Variants in PLEKHM2 observed in about 807,000 individuals in gnomAD.
The protein encoded by PLEKHM2 is pleckstrin homology domain-containing family M member 2.
A neutral mutation model predicts 116.3 loss-of-function variants in PLEKHM2; 77 were observed. The ratio of observed to expected loss-of-function variants is 0.66; its 90% CI spans 0.55 to 0.80. PLEKHM2 has a LOEUF of 0.80. Ranked by LOEUF, PLEKHM2 falls within the 30% of genes least tolerant of loss-of-function variation. PLEKHM2 has a pLI of 0.00. For synonymous variants in PLEKHM2, 562 were observed against 571.0 expected (o/e 0.98, Z 0.22); for missense variants, 1,183 against 1,354.9 (o/e 0.87, Z 1.99).
At position 15,721,098 on chromosome 1, in the gene PLEKHM2, A is replaced by AC. The variant is rs1266127897; in HGVS notation, c.653-228dup. 2.0e-6 allele frequency: 1 copy of AC among 495,218 alleles called. No individual in the cohort carries two copies. Among genetic ancestry groups the AC allele is most frequent in the Non-Finnish European group, 3.6e-6 (1 of 281,634 alleles). 30.7% of individuals were successfully genotyped at this position (495,218 alleles called of 1,614,324 possible). A position where few individuals can be genotyped will look rare whatever the true frequency, so the allele number is the denominator to read the frequency against. The stretch of plus-strand genomic sequence containing the variant: ...CAGCTTCTGGATGTGGAAAGGGGTC[A>AC]CCCTGACAGGTCTTTCCAGCTGGTT... On this transcript the variant is annotated intron_variant, in intron 6 of 19. Transcript: ENST00000375799. The surrounding 1 kb of genome is among the most constrained non-coding windows in gnomAD (Gnocchi z 5.1).
intron 1 of PLEKHM2, among the ~76,000 whole-genome samples, chr1:15,697,735 C>G (rs2148336963): frequency 6.6e-6 from 1 of 152,254 alleles, no homozygotes; most frequent in Admixed American, 6.5e-5. Flanking sequence ...GCAATCACAG[C>G]TACTGCAGCC....
At position 15,727,398 on chromosome 1, in the gene PLEKHM2, C is replaced by T. The variant is rs1405403941; in HGVS notation, c.1326C>T (p.Pro442=). ...ACCAGTCCTTTCGGACCGGCTCTCC[C>T]GGGGATGCCCCGGAGAGGCCGCCGC... ...PPDQSFRTGS[P]GDAPERPPLC... The change falls in exon 9 of 20, where the codon CCC becomes CCT. Residue 442 remains proline (P), a synonymous_variant. Coordinates refer to ENST00000375799, the MANE Select transcript of PLEKHM2 (RefSeq NM_015164.4). This position sits in a 1 kb window ranked among gnomAD's most constrained non-coding sequence, Gnocchi z 7.5. 6.2e-6 allele frequency: 10 copies of T among 1,603,878 alleles called. No individual in the cohort carries two copies. The highest frequency in any genetic ancestry group is 5.1e-5 in the Admixed American group (3 of 58,822).
upstream of PLEKHM2, chr1:15,684,299 TGCCGCC>T (rs534581956): frequency 1.3e-5 from 2 of 156,636 alleles, no homozygotes; most frequent in South Asian, 1.9e-4. Context: ...CATCAGTTCC[TGCCGCC>T]GCCGCCGCCG....
chr1:15,716,352 G>A lies in PLEKHM2; in HGVS notation c.167+9G>A. The A allele has an allele frequency of 6.4e-7, 1 of 1,553,832 alleles. No homozygotes were observed. The highest frequency in any genetic ancestry group is 8.8e-7 in the Non-Finnish European group (1 of 1,138,164). ...CACGCCCTGCTGTACGGGTAAGGTG[G>A]AGGAAGTTTCCAAAGATGACGGAGC... is the stretch of plus-strand genomic sequence containing the variant. On this transcript the variant is annotated intron_variant, in intron 2 of 19. Transcript: ENST00000375799.
At position 15,731,911 on chromosome 1, in the gene PLEKHM2, C is replaced by T. The variant is rs756450777; in HGVS notation, c.2488C>T (p.Arg830Trp). The change falls in exon 17 of 20, where the codon CGG becomes TGG. Residue 830 changes from arginine (R) to tryptophan (W), a missense_variant. Transcript: ENST00000375799. ...NMGGEQCGGC[R>W]RANTTDRPHA... ...CAGGGGGGAGCAGTGCGGTGGCTGC[C>T]GGAGAGCCAACACCACGGATCGGCC... is the stretch of plus-strand genomic sequence containing the variant. 11 of 1,611,016 alleles carry T rather than the reference C, an allele frequency of 6.8e-6. No individual in the cohort carries two copies. The highest frequency in any genetic ancestry group is 6.7e-5 in the East Asian group (3 of 44,852).
At chr1:15,715,093 T>A (rs1641417823) in intron 1 of PLEKHM2, among the ~76,000 whole-genome samples, 1 of 152,060 alleles carries the variant, frequency 6.6e-6, no homozygotes, top group Non-Finnish European at 1.5e-5. Flanking sequence ...GTGTAGGGCT[T>A]AACGTGAGCC....
At chr1:15,709,376 A>T (rs1641283275) in intron 1 of PLEKHM2, among the ~76,000 whole-genome samples, 1 of 152,048 alleles carries the variant, frequency 6.6e-6, no homozygotes, top group Non-Finnish European at 1.5e-5. Context: ...CTGGAGCGGG[A>T]GGGAGGTGGT....
upstream of PLEKHM2, among the ~76,000 whole-genome samples, chr1:15,682,119 G>A (rs1640656510): frequency 6.6e-6 from 1 of 151,130 alleles, no homozygotes; most frequent in South Asian, 2.1e-4. Flanking sequence ...GATCCCCCAG[G>A]GAGTTCAAGC....
Position 15,716,708 on chromosome 1 carries a change from C to A in PLEKHM2, c.169C>A (p.Leu57Met). The change falls in exon 3 of 20, where the codon CTG (leucine) becomes ATG (methionine). Residue 57 changes from leucine to methionine, a missense_variant and splice_region_variant. Leu to Met is a conservative substitution (Grantham distance 15). This residue lies in a region of PLEKHM2 where 217 missense variants were observed against 277.6 expected (regional missense o/e 0.78). Coordinates refer to ENST00000375799, the MANE Select transcript of PLEKHM2 (RefSeq NM_015164.4). Reference protein sequence around the residue: ...EHLDHALLYGLQDLSSGYWVL... With the variant: ...EHLDHALLYGMQDLSSGYWVL... The stretch of plus-strand genomic sequence containing the variant: ...GCAGCTCCTGTCCTGTTTTCTCAGA[C>A]TGCAAGACCTCTCCTCTGGCTACTG... 1.3e-6 allele frequency: 2 copies of A among 1,563,760 alleles called. No homozygotes were observed. The highest frequency in any genetic ancestry group is 8.7e-7 in the Non-Finnish European group (1 of 1,153,784).
intron 1 of PLEKHM2, among the ~76,000 whole-genome samples, chr1:15,686,874 TCTC>T (rs1487480924): frequency 6.6e-6 from 1 of 152,034 alleles, no homozygotes; most frequent in African/African-American, 2.4e-5. Flanking sequence ...ATGGTCTCGA[TCTC>T]CTCACCTTGT....
intron 1 of PLEKHM2, among the ~76,000 whole-genome samples, chr1:15,706,156 A>G (rs576025700): frequency 3.3e-5 from 5 of 152,254 alleles, no homozygotes; most frequent in Admixed American, 1.3e-4. Context: ...TCACCTGCCA[A>G]CAGCTTCCCA....
chr1:15,733,199 C>T (rs6682484), intron 19 of PLEKHM2, among the ~76,000 whole-genome samples: 9,178 of 152,324 alleles, frequency 0.06, 932 homozygotes, highest in African/African-American at 0.21. Flanking sequence ...CTGACAGGCA[C>T]AAAAACTTAG....
intron 1 of PLEKHM2, among the ~76,000 whole-genome samples, chr1:15,706,651 C>A (rs999774892): frequency 4.6e-5 from 7 of 152,206 alleles, no homozygotes; most frequent in South Asian, 4.1e-4. Context: ...AGGTGATCCA[C>A]CTGCCTCAGC....
At chr1:15,689,497 C>T (rs1176602102) in intron 1 of PLEKHM2, among the ~76,000 whole-genome samples, 4 of 152,136 alleles carry the variant, frequency 2.6e-5, no homozygotes, top group African/African-American at 4.8e-5. Context: ...CAGGCTTCAG[C>T]GGTATGCAGA....
chr1:15,710,549 A>C (rs1571042572), intron 1 of PLEKHM2, among the ~76,000 whole-genome samples: 1 of 151,604 alleles, frequency 6.6e-6, no homozygotes, highest in South Asian at 2.1e-4. Context: ...CTGGTCTCAA[A>C]CTCCTGACCT....
At chr1:15,699,523 C>G (rs1471524342) in intron 1 of PLEKHM2, among the ~76,000 whole-genome samples, 1 of 152,184 alleles carries the variant, frequency 6.6e-6, no homozygotes, top group Non-Finnish European at 1.5e-5. Flanking sequence ...GACATGAACT[C>G]ATCCTTTTTG....
At chr1:15,709,397 A>G (rs7552400) in intron 1 of PLEKHM2, among the ~76,000 whole-genome samples, 56,056 of 152,080 alleles carry the variant, frequency 0.37, 13,448 homozygotes, top group African/African-American at 0.68. Context: ...TACCAGCTGC[A>G]GCCTCATTAC....
intron 1 of PLEKHM2, among the ~76,000 whole-genome samples, chr1:15,685,305 G>A (rs1640745225): frequency 6.6e-6 from 1 of 152,166 alleles, no homozygotes; most frequent in South Asian, 2.1e-4. Flanking sequence ...TACCTGTCAA[G>A]GGCATGTATT....
intron 7 of PLEKHM2, among the ~76,000 whole-genome samples, chr1:15,722,329 A>G (rs551614513): frequency 5.9e-5 from 9 of 152,238 alleles, no homozygotes; most frequent in African/African-American, 1.9e-4. Context: ...TTTTTAGTAG[A>G]GACAGGGTTT....
Sources: gnomAD v4.1 joint callset for allele counts (sites outside exome capture counted in the v4.1 genomes callset) on GRCh38, gnomAD v4.1.1 for gene constraint, gnomAD v4.1.1 regional missense constraint, Gnocchi (gnomAD v3.1) non-coding constraint, MANE v1.5 for transcripts, NCBI Gene and HGNC (gene_info 2026-07-23, HGNC 2026-07-21) for gene names.